NTN1: variants seen among roughly 807,000 people sequenced by gnomAD.
NTN1 encodes netrin 1, also known as netrin-1.
NTN1 carries 11 observed loss-of-function variants against 54.2 expected under a neutral mutation model. That is an observed-to-expected ratio of 0.20 (90% CI 0.13 to 0.34). The LOEUF (loss-of-function observed/expected upper bound fraction) is 0.34, where lower values mean the gene tolerates loss of function less well. Ranked by LOEUF, NTN1 falls within the 10% of genes least tolerant of loss-of-function variation. The pLI is 1.00. For synonymous variants in NTN1, 371 were observed against 382.0 expected, an observed-to-expected ratio of 0.97 and a Z score of 0.33; for missense variants, 740 against 893.1, an observed-to-expected ratio of 0.83 and a Z score of 2.18.
chr17:9,029,861 G>A (rs1304548625), intron 2 of NTN1, among the ~76,000 whole-genome samples: 1 of 151,924 alleles, frequency 6.6e-6, no homozygotes, highest in Admixed American at 6.6e-5. Context: ...GCGTGGTGGC[G>A]TGTGCCTGTA....
chr17:9,092,703 C>T (rs1449354543), intron 2 of NTN1, among the ~76,000 whole-genome samples: 3 of 151,992 alleles, frequency 2.0e-5, no homozygotes, highest in South Asian at 2.1e-4. Flanking sequence ...AAGTGATTCT[C>T]GTGCCTCAGC....
At chr17:9,213,579 G>A (rs573458846) in intron 5 of NTN1, among the ~76,000 whole-genome samples, 1 of 152,196 alleles carries the variant, frequency 6.6e-6, no homozygotes, top group African/African-American at 2.4e-5. Context: ...CATATAGTCT[G>A]TGTGTATATA....
chr17:9,112,998 A>G (rs1022430075), intron 2 of NTN1, among the ~76,000 whole-genome samples: 2 of 151,662 alleles, frequency 1.3e-5, no homozygotes, highest in Admixed American at 1.3e-4. Flanking sequence ...TGGTGAATCA[A>G]TGATACGTTT....
chr17:9,126,233 G>T (rs1275083086), intron 2 of NTN1, among the ~76,000 whole-genome samples: 3 of 152,270 alleles, frequency 2.0e-5, no homozygotes, highest in African/African-American at 7.2e-5. Flanking sequence ...ATAGGGCTGG[G>T]CGTGATGGCT....
rs79526761 is a variant in NTN1 at position 9,209,939 on chromosome 17, C to T, written c.1412-11229C>T. Among the ~76,000 whole-genome samples the T allele has an allele frequency of 7.9e-5, 12 of 152,090 alleles. No homozygotes were observed. The East Asian group carries it at 1.2e-3, about 15-fold the overall frequency. On this transcript the variant is annotated intron_variant, in intron 5 of 6. Coordinates refer to ENST00000173229, the MANE Select transcript of NTN1 (RefSeq NM_004822.3). ...GGTGGGGCCTGGGCAGTCAGGGCAC[C>T]GTCCCTGAGAGGGTGAGAGCAAAAG...
At chr17:9,126,889 G>A (rs1184980056) in intron 2 of NTN1, among the ~76,000 whole-genome samples, 2 of 152,022 alleles carry the variant, frequency 1.3e-5, no homozygotes, top group Non-Finnish European at 2.9e-5. Flanking sequence ...TTTGAATGAA[G>A]GACTCATGGG....
intron 6 of NTN1, among the ~76,000 whole-genome samples, chr17:9,234,675 T>G (rs984912887): frequency 2.0e-5 from 3 of 152,156 alleles, no homozygotes; most frequent in Non-Finnish European, 2.9e-5. Context: ...CCCGCTCACT[T>G]GCAGCAGTCA....
At chr17:9,170,076 A>T (rs1035161394) in intron 3 of NTN1, among the ~76,000 whole-genome samples, 1 of 152,096 alleles carries the variant, frequency 6.6e-6, no homozygotes, top group African/African-American at 2.4e-5. Flanking sequence ...TGGCACGGGG[A>T]TAGTAAACAG....
intron 2 of NTN1, among the ~76,000 whole-genome samples, chr17:9,065,706 A>G (rs1236457291): frequency 6.6e-6 from 1 of 152,230 alleles, no homozygotes; most frequent in Non-Finnish European, 1.5e-5. Context: ...GAAGGAAGGC[A>G]TGAATGACCC....
At position 9,091,973 on chromosome 17, in the gene NTN1, C is replaced by T. The variant is rs1002818023; in HGVS notation, c.1018+68582C>T. ...GTGGAATCATACAGTAGTTGTCCTT[C>T]GGTGACTCCCGGGTTCAAGCGATTC... On this transcript the variant is annotated intron_variant, in intron 2 of 6. Transcript: ENST00000173229. Among the ~76,000 whole-genome samples, 8 of 151,896 alleles carry T rather than the reference C, an allele frequency of 5.3e-5. No homozygotes were observed. The South Asian group carries it at 8.3e-4, about 16-fold the overall frequency.
At chr17:9,231,401 C>A (rs1416902241) in intron 6 of NTN1, among the ~76,000 whole-genome samples, 1 of 152,228 alleles carries the variant, frequency 6.6e-6, no homozygotes, top group Non-Finnish European at 1.5e-5. Flanking sequence ...GCTCTGCCCC[C>A]ACCCTGCTGT....
chr17:9,236,201 C>T (rs1321451640), intron 6 of NTN1, among the ~76,000 whole-genome samples: 1 of 151,932 alleles, frequency 6.6e-6, no homozygotes, highest in Non-Finnish European at 1.5e-5. Flanking sequence ...CTAAGATGGG[C>T]AGAGCTGCCC....
In NTN1 at chr17:9,219,394, T is replaced by C. The variant is rs1905281914; in HGVS notation, c.1412-1774T>C. ...CCAGTGCCATGGAGCAGGGGTGTCATGAAGGGGCTCCGAGGGCTCAGATCA... is the reference window on the plus strand; with the variant it reads ...CCAGTGCCATGGAGCAGGGGTGTCACGAAGGGGCTCCGAGGGCTCAGATCA... On this transcript the variant is annotated intron_variant, in intron 5 of 6. Coordinates refer to ENST00000173229, the MANE Select transcript of NTN1 (RefSeq NM_004822.3). This position sits in a 1 kb window ranked among gnomAD's most constrained non-coding sequence, Gnocchi z 4.5. 6.6e-6 allele frequency among the ~76,000 whole-genome samples: 1 copy of C among 152,124 alleles called. No homozygotes were observed. Among genetic ancestry groups the C allele is most frequent in the African/African-American group, 2.4e-5 (1 of 41,416 alleles).
rs1201448628 is a variant in NTN1, at chr17:9,243,888, G to A, written c.*3920G>A. 1 of 119,376 alleles carries A rather than the reference G, an allele frequency of 8.4e-6. No individual in the cohort carries two copies. The highest frequency in any genetic ancestry group is 1.6e-5 in the Non-Finnish European group (1 of 61,448). 7.4% of individuals were successfully genotyped at this position (119,376 alleles called of 1,614,324 possible). On this transcript the variant is annotated 3_prime_UTR_variant, in exon 7 of 7. Coordinates refer to ENST00000173229, the MANE Select transcript of NTN1 (RefSeq NM_004822.3). ...GGATTTTCTTTCTTTCCTTTTTTTTGGGGGGGGGTGGGGGGTTGGTTAGAG... is the reference window on the plus strand; with the variant it reads ...GGATTTTCTTTCTTTCCTTTTTTTTAGGGGGGGGTGGGGGGTTGGTTAGAG...
chr17:9,189,602 A>G (rs1297139366), intron 5 of NTN1, among the ~76,000 whole-genome samples: 1 of 152,062 alleles, frequency 6.6e-6, no homozygotes, highest in Non-Finnish European at 1.5e-5. Flanking sequence ...TGCCCACCTC[A>G]GCCTCTCAAA....
chr17:9,058,517 T>TA lies in NTN1; in HGVS notation c.1018+35130dup. Among the ~76,000 whole-genome samples, 3 of 152,014 alleles carry TA rather than the reference T, an allele frequency of 2.0e-5. No individual in the cohort carries two copies. The South Asian group carries it at 6.2e-4, about 32-fold the overall frequency. ...AGTCTTAAGACTTAGCATTGTGTGTTAAAAGCCTCACTTTTCTTATCCATA... is the reference window on the plus strand; with the variant it reads ...AGTCTTAAGACTTAGCATTGTGTGTTAAAAAGCCTCACTTTTCTTATCCATA... On this transcript the variant is annotated intron_variant, in intron 2 of 6. Coordinates refer to ENST00000173229, the MANE Select transcript of NTN1 (RefSeq NM_004822.3).
At chr17:9,030,647 A>T (rs2091885831) in intron 2 of NTN1, among the ~76,000 whole-genome samples, 1 of 152,132 alleles carries the variant, frequency 6.6e-6, no homozygotes, top group Non-Finnish European at 1.5e-5. Flanking sequence ...TGGGAGGCTG[A>T]GGCAGGAGAA....
chr17:9,194,527 C>G (rs1240941919), intron 5 of NTN1, among the ~76,000 whole-genome samples: 1 of 152,210 alleles, frequency 6.6e-6, no homozygotes, highest in Non-Finnish European at 1.5e-5. Flanking sequence ...AGTCTCAGCA[C>G]TGTCGACCTG....
At chr17:9,210,905 GAAAAAAAAAAAAAAAAAA>G (rs58541910) in intron 5 of NTN1, among the ~76,000 whole-genome samples, 7 of 23,494 alleles carry the variant, frequency 3.0e-4, no homozygotes, top group South Asian at 2.6e-3. Flanking sequence ...GACTCCATCT[GAAAAAAAAAAAAAAAAAA>G]AAAAAAAAAA....
Sources: gnomAD v4.1 joint callset for allele counts (sites outside exome capture counted in the v4.1 genomes callset) on GRCh38, gnomAD v4.1.1 for gene constraint, Gnocchi (gnomAD v3.1) non-coding constraint, MANE v1.5 for transcripts, NCBI Gene and HGNC (gene_info 2026-07-23, HGNC 2026-07-21) for gene names.